The following OSBPL2 variants were observed in gnomAD, a reference collection of about 807,000 sequenced individuals.
OSBPL2 encodes the protein oxysterol binding protein like 2.
OSBPL2 carries 18 observed loss-of-function variants against 58.4 expected under a neutral mutation model. That is an observed-to-expected ratio of 0.31 (90% CI 0.21 to 0.46). The LOEUF is 0.46. Among genes scored for constraint, OSBPL2 ranks in the 20% least tolerant of loss-of-function variants. The pLI, the probability that OSBPL2 is intolerant of heterozygous loss-of-function variation, is 1.00. For missense variants in OSBPL2, 461 were observed against 616.5 expected (o/e 0.75, Z 2.67); for synonymous variants, 221 against 234.1 (o/e 0.94, Z 0.51).
chr20:62,269,770 T>G lies in OSBPL2; in HGVS notation c.259-2355T>G, dbSNP rs1981931210. 6.6e-6 allele frequency among the ~76,000 whole-genome samples: 1 copy of G among 152,252 alleles called. No individual in the cohort carries two copies. On this transcript the variant is annotated intron_variant, in intron 4 of 13. Transcript: ENST00000313733. This position sits in a 1 kb window ranked among gnomAD's most constrained non-coding sequence, Gnocchi z 4.2. ...CTTTCTCTGCCACGTGTTCTTGCAG[T>G]GCCGAGCTCTGATCACAAGGGTCAC...
chr20:62,281,374 G>T (rs546594020), intron 8 of OSBPL2: 3 of 561,112 alleles, frequency 5.3e-6, no homozygotes, highest in Non-Finnish European at 9.6e-6. Context: ...CTCGTTTTTC[G>T]TCACGGTTGT....
At chr20:62,280,458 C>T (rs1458292546) in intron 7 of OSBPL2, among the ~76,000 whole-genome samples, 2 of 152,248 alleles carry the variant, frequency 1.3e-5, no homozygotes, top group Non-Finnish European at 2.9e-5. Context: ...GTTCCACCCC[C>T]AGGAAATTGA....
At position 62,291,643 on chromosome 20, in the gene OSBPL2, G is replaced by T. The variant is rs553920159; in HGVS notation, c.1250-60G>T. On this transcript the variant is annotated intron_variant, in intron 12 of 13. Coordinates refer to ENST00000313733, the MANE Select transcript of OSBPL2 (RefSeq NM_144498.4). Reference sequence around the variant, plus strand: ...CCAACTAGAGATCTAGGTGCATAGGGGGTGGCGGGGTGCGGTTCTAAGGTC... The same window carrying T: ...CCAACTAGAGATCTAGGTGCATAGGTGGTGGCGGGGTGCGGTTCTAAGGTC... 4.2e-4 allele frequency: 572 copies of T among 1,356,116 alleles called. 4 individuals are homozygous for T. In the African/African-American group the frequency reaches 6.7e-3, roughly 16 times the overall value. 84.0% of individuals were successfully genotyped at this position (1,356,116 alleles called of 1,614,324 possible). A position where few individuals can be genotyped will look rare whatever the true frequency, so the allele number is the denominator to read the frequency against.
At chr20:62,248,370 G>A (rs1980293424) in intron 1 of OSBPL2, among the ~76,000 whole-genome samples, 1 of 151,836 alleles carries the variant, frequency 6.6e-6, no homozygotes, top group Non-Finnish European at 1.5e-5. Context: ...TGGCCAGGCT[G>A]GTCTCGAACT....
rs200271504 is a variant in OSBPL2, at chr20:62,279,354, G to A, written c.674+15G>A. 2,331 of 1,611,978 alleles carry A rather than the reference G, an allele frequency of 1.4e-3. 1 individual carries two copies. The highest frequency in any genetic ancestry group is 1.8e-3 in the Non-Finnish European group (2,155 of 1,178,630). ...GAGCTGCTCAAGTGAGTGTCGGTGCGTCCTGCTGAGATCCGCTTCCTGCAG... is the reference window on the plus strand; with the variant it reads ...GAGCTGCTCAAGTGAGTGTCGGTGCATCCTGCTGAGATCCGCTTCCTGCAG... On this transcript the variant is annotated intron_variant, in intron 7 of 13. Coordinates refer to ENST00000313733, the MANE Select transcript of OSBPL2 (RefSeq NM_144498.4).
chr20:62,294,044 C>T lies in OSBPL2; in HGVS notation c.*157C>T, dbSNP rs1983708997. The stretch of plus-strand genomic sequence containing the variant: ...TGATCAAGGATGTAATTCTAATTAA[C>T]TGTTGATTGCCAAACATTTCACTCT... On this transcript the variant is annotated 3_prime_UTR_variant, in exon 14 of 14. Coordinates refer to ENST00000313733, the MANE Select transcript of OSBPL2 (RefSeq NM_144498.4). 2.1e-6 allele frequency: 2 copies of T among 947,720 alleles called. No individual in the cohort carries two copies. Among genetic ancestry groups the T allele is most frequent in the African/African-American group, 1.7e-5 (1 of 58,830 alleles). 58.7% of individuals were successfully genotyped at this position (947,720 alleles called of 1,614,324 possible).
At chr20:62,247,150 AGCGGATG>A (rs1980175340) in intron 1 of OSBPL2, among the ~76,000 whole-genome samples, 1 of 152,134 alleles carries the variant, frequency 6.6e-6, no homozygotes, top group African/African-American at 2.4e-5. Flanking sequence ...CTTGACCTTG[AGCGGATG>A]GCAGGTGCTC....
At chr20:62,278,825 G>C (rs1326066513) in intron 6 of OSBPL2, 6 of 267,724 alleles carry the variant, frequency 2.2e-5, no homozygotes, top group Non-Finnish European at 3.4e-5. Context: ...TCGTGTTTGT[G>C]TGTGTGTCTG....
At chr20:62,259,267 T>C (rs1981137864) in intron 2 of OSBPL2, 1 of 152,188 alleles carries the variant, frequency 6.6e-6, no homozygotes, top group Non-Finnish European at 1.5e-5. Flanking sequence ...GGGAGACGTA[T>C]GTTCCTGTTC....
At chr20:62,289,406 G>A (rs1983346285) in intron 12 of OSBPL2, 76 bp downstream of exon 12, 2 of 1,517,054 alleles carry the variant, frequency 1.3e-6, no homozygotes, top group South Asian at 1.2e-5. Context: ...CAAAGCACTC[G>A]CTGGCAGAAG....
intron 12 of OSBPL2, chr20:62,291,406 G>GCCCT: frequency 2.4e-6 from 1 of 416,164 alleles, no homozygotes; most frequent in South Asian, 2.0e-5. Context: ...TGGTGCCTGG[G>GCCCT]CCCTGCCTGT....
chr20:62,279,740 G>A (rs536125191), intron 7 of OSBPL2, among the ~76,000 whole-genome samples: 28 of 152,252 alleles, frequency 1.8e-4, no homozygotes, highest in Non-Finnish European at 3.4e-4. Flanking sequence ...GCCGGGGACC[G>A]TGAGGTTGCG....
In OSBPL2 at chr20:62,295,436, TCCA is replaced by T. The variant is rs908788231; in HGVS notation, c.*1551_*1553del. On this transcript the variant is annotated 3_prime_UTR_variant, in exon 14 of 14. Coordinates refer to ENST00000313733, the MANE Select transcript of OSBPL2 (RefSeq NM_144498.4). The surrounding 1 kb of genome is among the most constrained non-coding windows in gnomAD (Gnocchi z 4.8). ...GGTGCCACCTGCGTGTGTCTTGGCG[TCCA>T]CATCACACCTGTGACGGAAGCACTT... 1 of 152,300 alleles carries T rather than the reference TCCA, an allele frequency of 6.6e-6. No individual in the cohort carries two copies. Among genetic ancestry groups the T allele is most frequent in the Admixed American group, 6.5e-5 (1 of 15,304 alleles). 9.4% of individuals were successfully genotyped at this position (152,300 alleles called of 1,614,324 possible). A position where few individuals can be genotyped will look rare whatever the true frequency, so the allele number is the denominator to read the frequency against.
chr20:62,248,696 A>ATTTATTTATTTT (rs1980320391), intron 1 of OSBPL2, among the ~76,000 whole-genome samples: 1 of 151,062 alleles, frequency 6.6e-6, no homozygotes, highest in African/African-American at 2.4e-5. Context: ...TTATTTATTT[A>ATTTATTTATTTT]TTTATTTTTT....
chr20:62,279,330 A>T lies in OSBPL2; in HGVS notation c.665A>T (p.Glu222Val). 2 of 1,614,152 alleles carry T rather than the reference A, an allele frequency of 1.2e-6. No homozygotes were observed. Among genetic ancestry groups the T allele is most frequent in the Non-Finnish European group, 1.7e-6 (2 of 1,180,004 alleles). Residue 222 changes from glutamate to valine, a missense_variant, in exon 7 of 14, where the codon GAG becomes GTG. Transcript: ENST00000313733. ...EAEPRGTITL[E>V]LLKHNEAYTW... ...GAGCCCCGAGGCACCATCACCCTGGAGCTGCTCAAGTGAGTGTCGGTGCGT... is the reference window on the plus strand; with the variant it reads ...GAGCCCCGAGGCACCATCACCCTGGTGCTGCTCAAGTGAGTGTCGGTGCGT...
chr20:62,267,066 A>G (rs938627555), intron 4 of OSBPL2, among the ~76,000 whole-genome samples: 9 of 152,242 alleles, frequency 5.9e-5, no homozygotes, highest in Non-Finnish European at 7.3e-5. Flanking sequence ...CCCGGGCAAC[A>G]AAGTGAGATC....
intron 5 of OSBPL2, among the ~76,000 whole-genome samples, chr20:62,272,602 G>A (rs2145952285): frequency 6.6e-6 from 1 of 152,322 alleles, no homozygotes; most frequent in Middle Eastern, 3.4e-3. Context: ...GTGTGCATGT[G>A]TGTGACTGTG....
chr20:62,250,994 G>A (rs1416436091), intron 1 of OSBPL2, among the ~76,000 whole-genome samples: 4 of 151,018 alleles, frequency 2.6e-5, no homozygotes, highest in Non-Finnish European at 5.9e-5. Flanking sequence ...ATTCTAACTT[G>A]CCTTCTATTC....
rs1979482490 is a variant in OSBPL2, at chr20:62,238,545, G to A, written c.-181G>A. On this transcript the variant is annotated 5_prime_UTR_variant, in exon 1 of 14. Coordinates refer to ENST00000313733, the MANE Select transcript of OSBPL2 (RefSeq NM_144498.4). ...TGTCAGTGGGTCGCGGGCCTACGGG[G>A]CGGGGGCGGGGCGGCAGTGAGCTCG... 6.7e-6 allele frequency: 1 copy of A among 149,962 alleles called. No homozygotes were observed. Among genetic ancestry groups the A allele is most frequent in the South Asian group, 2.0e-4 (1 of 5,000 alleles). 9.3% of individuals were successfully genotyped at this position (149,962 alleles called of 1,614,324 possible). A position where few individuals can be genotyped will look rare whatever the true frequency, so the allele number is the denominator to read the frequency against.
Sources: allele counts gnomAD v4.1 joint callset (sites outside exome capture counted in the v4.1 genomes callset), GRCh38; gene constraint gnomAD v4.1.1; non-coding constraint Gnocchi (gnomAD v3.1); transcripts MANE v1.5; gene names NCBI Gene and HGNC (gene_info 2026-07-23, HGNC 2026-07-21).